LECT2: variants seen among roughly 807,000 people sequenced by gnomAD.
LECT2 encodes leukocyte cell-derived chemotaxin-2.
Under a neutral mutation model 16.6 loss-of-function variants are expected in LECT2, and 11 were observed. That is an observed-to-expected ratio of 0.66 (90% CI 0.42 to 1.09). The LOEUF is 1.09. LECT2 is among the 50% of genes least tolerant of loss of function. LECT2 has a pLI of 0.00. For missense variants in LECT2, 173 were observed against 184.2 expected (o/e 0.94, Z 0.35); for synonymous variants, 54 against 64.8 (o/e 0.83, Z 0.80).
chr5:135,952,895 C>T lies in LECT2; in HGVS notation c.119G>A (p.Gly40Asp), dbSNP rs551193193. 6.2e-7 allele frequency: 1 copy of T among 1,613,810 alleles called. No individual in the cohort carries two copies. The highest frequency in any genetic ancestry group is 1.1e-5 in the South Asian group (1 of 91,072). ...SNEIRTCDRH[G>D]CGQYSAQRSQ... is the part of the protein sequence containing the mutation. ...CCTTTGAGCAGAGTACTGTCCACAG[C>T]CATGGCGGTCACACGTCCGGATCTC... The change falls in exon 2 of 4, where the codon GGC (glycine) becomes GAC (aspartate). Residue 40 changes from glycine (G) to aspartate (D), a missense_variant. Transcript: ENST00000274507.
At chr5:135,950,176 A>G (rs1763770048) in intron 3 of LECT2, among the ~76,000 whole-genome samples, 1 of 152,238 alleles carries the variant, frequency 6.6e-6, no homozygotes, top group Admixed American at 6.5e-5. Context: ...TCGTAGCAGC[A>G]ATTTTATAAT....
intron 3 of LECT2, chr5:135,950,670 A>T (rs1763779200): frequency 6.5e-6 from 1 of 153,018 alleles, no homozygotes; most frequent in Admixed American, 6.5e-5. Context: ...AAGCTTTCAA[A>T]AATATTTCAC....
At chr5:135,951,483 C>T in intron 2 of LECT2, 115 bp from the exon 3 acceptor site, 1 of 1,000,418 alleles carries the variant, frequency 1.0e-6, no homozygotes, top group Non-Finnish European at 1.5e-6. Flanking sequence ...TTGAAGCTGC[C>T]AGAACATGTT....
At position 135,951,355 on chromosome 5, in the gene LECT2, G is replaced by A. The variant is rs765251406; in HGVS notation, c.157C>T (p.His53Tyr). ...QYSAQRSQRP[H>Y]QGVDILCSAG... ...GAGCACAAGATGTCCACACCCTGGT[G>A]AGGCCTCTGACTTCTAGGATGTAAA... Residue 53 changes from histidine to tyrosine, a missense_variant, in exon 3 of 4, where the codon CAC (histidine) becomes TAC (tyrosine). Physicochemically the swap from His to Tyr is moderately conservative, Grantham distance 83. Coordinates refer to ENST00000274507, the MANE Select transcript of LECT2 (RefSeq NM_002302.3). The A allele has an allele frequency of 1.9e-6, 3 of 1,613,626 alleles. No homozygotes were observed. The highest frequency in any genetic ancestry group is 2.5e-6 in the Non-Finnish European group (3 of 1,179,736).
intron 3 of LECT2, among the ~76,000 whole-genome samples, chr5:135,947,765 T>C (rs1055883213): frequency 6.6e-6 from 1 of 152,090 alleles, no homozygotes; most frequent in African/African-American, 2.4e-5. Context: ...CCCTGAACAA[T>C]GTCAACTCCA....
At chr5:135,951,674 A>G (rs1479327107) in intron 2 of LECT2, 3 of 271,138 alleles carry the variant, frequency 1.1e-5, no homozygotes, top group Non-Finnish European at 2.1e-5. Flanking sequence ...AGTCCATGTA[A>G]GTGCATTTTC....
rs1266332421 is a variant in LECT2 at position 135,947,419 on chromosome 5, A to G, written c.368T>C (p.Leu123Pro). 3 of 1,614,026 alleles carry G rather than the reference A, an allele frequency of 1.9e-6. No homozygotes were observed. Among genetic ancestry groups the G allele is most frequent in the Non-Finnish European group, 2.5e-6 (3 of 1,179,982 alleles). The change falls in exon 4 of 4, where the codon CTA becomes CCA. Residue 123 changes from leucine (L) to proline (P), a missense_variant. Physicochemically the swap from Leu to Pro is moderately conservative, Grantham distance 98. Transcript: ENST00000274507. ...PIKKGEKLGT[L>P]LPLQKVYPGI... Reference sequence around the variant, plus strand: ...AGGATAAACTTTCTGCAAGGGCAATAGAGTTCCAAGTTTTTCTCCCTTCTT... The same window carrying G: ...AGGATAAACTTTCTGCAAGGGCAATGGAGTTCCAAGTTTTTCTCCCTTCTT...
At position 135,952,872 on chromosome 5, in the gene LECT2, T is replaced by A; in HGVS notation, c.142A>T (p.Arg48Ter). 6.2e-7 allele frequency: 1 copy of A among 1,610,904 alleles called. No homozygotes were observed. The highest frequency in any genetic ancestry group is 8.5e-7 in the Non-Finnish European group (1 of 1,177,068). ...RHGCGQYSAQ[R>*]SQRPHQGVDI... The stretch of plus-strand genomic sequence containing the variant: ...GTGGGTGGTTGTGCAACTTCATACC[T>A]TTGAGCAGAGTACTGTCCACAGCCA... Residue 48 changes from arginine (R) to a stop codon, truncating the protein, a stop_gained and splice_region_variant, in exon 2 of 4, where the codon AGA becomes TGA. Coordinates refer to ENST00000274507, the MANE Select transcript of LECT2 (RefSeq NM_002302.3). LOFTEE classifies it high-confidence loss of function.
intron 2 of LECT2, 31 bp from the exon 3 acceptor site, chr5:135,951,399 G>A: frequency 6.2e-7 from 1 of 1,603,920 alleles, no homozygotes; most frequent in Non-Finnish European, 8.5e-7. Context: ...AACAGACTGA[G>A]GAACTGCCTT....
rs1763718432 is a variant in LECT2 at position 135,947,348 on chromosome 5, G to T, written c.439C>A (p.Pro147Thr). Residue 147 changes from proline to threonine, a missense_variant, in exon 4 of 4, where the codon CCT becomes ACT. Transcript: ENST00000274507. ...VHIENCDSSD[P>T]TAYL ...CCTTCGATTTACAGGTATGCAGTAG[G>T]GTCACTCGAGTCACAGTTTTCAATG... The T allele has an allele frequency of 6.2e-7, 1 of 1,613,808 alleles. No individual in the cohort carries two copies. The highest frequency in any genetic ancestry group is 8.5e-7 in the Non-Finnish European group (1 of 1,179,808).
At chr5:135,949,799 A>G (rs1312825263) in intron 3 of LECT2, among the ~76,000 whole-genome samples, 11 of 152,220 alleles carry the variant, frequency 7.2e-5, no homozygotes, top group Admixed American at 7.2e-4. Context: ...CATTTTGTTC[A>G]TCAGACCTGG....
At chr5:135,951,448 C>G in intron 2 of LECT2, 80 bp from the exon 3 acceptor site, 1 of 1,326,742 alleles carries the variant, frequency 7.5e-7, no homozygotes, top group South Asian at 1.5e-5. Flanking sequence ...TGTTAGCCCA[C>G]TGTTTGCAGA....
At chr5:135,952,445 G>A (rs368591122) in intron 2 of LECT2, among the ~76,000 whole-genome samples, 16 of 152,176 alleles carry the variant, frequency 1.1e-4, no homozygotes, top group African/African-American at 3.9e-4. Flanking sequence ...GCGTGGTTTG[G>A]TGGGAAGAGG....
At chr5:135,952,194 A>G (rs1480018014) in intron 2 of LECT2, among the ~76,000 whole-genome samples, 1 of 152,204 alleles carries the variant, frequency 6.6e-6, no homozygotes, top group Non-Finnish European at 1.5e-5. Flanking sequence ...CTGTTTCAGT[A>G]TTTGAGGTTG....
At position 135,947,138 on chromosome 5, in the gene LECT2, T is replaced by A; in HGVS notation, c.*193A>T. 6.3e-6 allele frequency: 3 copies of A among 479,482 alleles called. No individual in the cohort carries two copies. Among genetic ancestry groups the A allele is most frequent in the Non-Finnish European group, 3.6e-6 (1 of 273,974 alleles). 29.7% of individuals were successfully genotyped at this position (479,482 alleles called of 1,614,324 possible). A position where few individuals can be genotyped will look rare whatever the true frequency, so the allele number is the denominator to read the frequency against. On this transcript the variant is annotated 3_prime_UTR_variant, in exon 4 of 4. Transcript: ENST00000274507. ...TAAAAAATTTTTGTGGGTACATAGG[T>A]GTATTTGTTTATGAGGTACGTGAGA...
chr5:135,950,081 C>T (rs1361887068), intron 3 of LECT2, among the ~76,000 whole-genome samples: 1 of 152,146 alleles, frequency 6.6e-6, no homozygotes, highest in Admixed American at 6.5e-5. Context: ...AAAGATGCCT[C>T]TCACAGGCTT....
intron 2 of LECT2, 122 bp from the exon 3 acceptor site, chr5:135,951,490 T>C (rs369571535): frequency 5.2e-5 from 47 of 901,956 alleles, no homozygotes; most frequent in Non-Finnish European, 7.3e-5. Context: ...TGCCAGAACA[T>C]GTTGGGATGT....
At position 135,947,443 on chromosome 5, in the gene LECT2, T is replaced by G; in HGVS notation, c.344A>C (p.Lys115Thr). ...IKPIKYKGPI[K>T]KGEKLGTLLP... ...TAGAGTTCCAAGTTTTTCTCCCTTC[T>G]TAATAGGACCTTTATACTTAATTGG... Residue 115 changes from lysine to threonine, a missense_variant, in exon 4 of 4, where the codon AAG becomes ACG. By Grantham distance (78) the Lys-to-Thr change is moderately conservative (BLOSUM62 -1). Transcript: ENST00000274507. 6.2e-7 allele frequency: 1 copy of G among 1,614,076 alleles called. No individual in the cohort carries two copies.
At chr5:135,952,734 G>A (rs925794626) in intron 2 of LECT2, 137 bp downstream of exon 2, 1 of 613,876 alleles carries the variant, frequency 1.6e-6, no homozygotes, top group Admixed American at 2.5e-5. Flanking sequence ...TCCAAAGACA[G>A]TGATGTAACT....
Sources: allele counts gnomAD v4.1 joint callset (sites outside exome capture counted in the v4.1 genomes callset), GRCh38; gene constraint gnomAD v4.1.1; transcripts MANE v1.5; gene names NCBI Gene and HGNC (gene_info 2026-07-23, HGNC 2026-07-21).